The following CABP7 variants were observed in gnomAD, a reference collection of about 807,000 sequenced individuals.
CABP7 encodes calcium-binding protein 7.
CABP7 carries 13 observed loss-of-function variants against 23.1 expected under a neutral mutation model. That is an observed-to-expected ratio of 0.56 (90% CI 0.37 to 0.90). The LOEUF (loss-of-function observed/expected upper bound fraction) is 0.90. CABP7 is among the 40% of genes least tolerant of loss of function. The pLI is 0.01. For missense variants in CABP7, 248 were observed against 295.6 expected, an observed-to-expected ratio of 0.84 and a Z score of 1.18; for synonymous variants, 123 against 115.3, an observed-to-expected ratio of 1.07 and a Z score of -0.43.
chr22:29,720,449 GC>G lies in CABP7; in HGVS notation c.26del (p.Ala9GlyfsTer2), dbSNP rs2067751653. On this transcript the variant is annotated frameshift_variant, in exon 1 of 5. Coordinates refer to ENST00000216144, the MANE Select transcript of CABP7 (RefSeq NM_182527.3). LOFTEE classifies it high-confidence loss of function. This position sits in a 1 kb window ranked among gnomAD's most constrained non-coding sequence, Gnocchi z 5.2. Reference sequence around the variant, plus strand: ...GATGCCGTTCCACCCGGTGACGGCGGCGTTGATGTACCGGGGCATCTACACC... The same window carrying G: ...GATGCCGTTCCACCCGGTGACGGCGGGTTGATGTACCGGGGCATCTACACC... MPFHPVTA[A>X]LMYRGIYTVP... 1 of 1,553,744 alleles carries G rather than the reference GC, an allele frequency of 6.4e-7. No individual in the cohort carries two copies. The highest frequency in any genetic ancestry group is 8.7e-7 in the Non-Finnish European group (1 of 1,152,510).
Position 29,729,502 on chromosome 22 carries a change from C to CCATCGCCTTCAT in CABP7, c.586_597dup (p.Ala196_Ile199dup). 1 of 1,612,666 alleles carries CCATCGCCTTCAT rather than the reference C, an allele frequency of 6.2e-7. No homozygotes were observed. The highest frequency in any genetic ancestry group is 8.5e-7 in the Non-Finnish European group (1 of 1,179,994). On this transcript the variant is annotated inframe_insertion, in exon 5 of 5. Transcript: ENST00000216144. Reference sequence around the variant, plus strand: ...CGCAAGAGTCTCATCTGCGCCTTCGCCATCGCCTTCATCATCAGTGTCATG... The same window carrying CCATCGCCTTCAT: ...CGCAAGAGTCTCATCTGCGCCTTCGCCATCGCCTTCATCATCGCCTTCATCATCAGTGTCATG...
At chr22:29,725,085 C>T (rs2067785855) in intron 1 of CABP7, among the ~76,000 whole-genome samples, 1 of 152,120 alleles carries the variant, frequency 6.6e-6, no homozygotes, top group South Asian at 2.1e-4. Flanking sequence ...CAGGACCCTG[C>T]AGAGGAGGAA....
In CABP7 at chr22:29,731,172, A is replaced by G; in HGVS notation, c.*1603A>G. On this transcript the variant is annotated 3_prime_UTR_variant, in exon 5 of 5. Transcript: ENST00000216144. ...TAGCAGGAACCGGGCTTGGCTTCCTATTGTGACTGATGAGAAAAGTGACCA... is the reference window on the plus strand; with the variant it reads ...TAGCAGGAACCGGGCTTGGCTTCCTGTTGTGACTGATGAGAAAAGTGACCA... The G allele has an allele frequency of 2.8e-6, 4 of 1,449,106 alleles. No homozygotes were observed. The highest frequency in any genetic ancestry group is 2.7e-5 in the East Asian group (1 of 36,440). 89.8% of individuals were successfully genotyped at this position (1,449,106 alleles called of 1,614,324 possible).
rs1468265241 is a variant in CABP7 at position 29,727,739 on chromosome 22, C to T, written c.187C>T (p.Arg63Cys). The part of the protein sequence containing the change: ...ISKQELGTAM[R>C]SLGYMPNEVE... ...CAAGCAGGAGCTGGGCACAGCCATG[C>T]GCTCACTGGGTTACATGCCCAACGA... The change falls in exon 2 of 5, where the codon CGC (arginine) becomes TGC (cysteine). Residue 63 changes from arginine (R) to cysteine (C), a missense_variant. Transcript: ENST00000216144. The surrounding 1 kb of genome is among the most constrained non-coding windows in gnomAD (Gnocchi z 4.2). 6.2e-6 allele frequency: 10 copies of T among 1,613,454 alleles called. No homozygotes were observed. The highest frequency in any genetic ancestry group is 2.7e-5 in the African/African-American group (2 of 74,916).
chr22:29,727,555 G>A lies in CABP7; in HGVS notation c.110-107G>A, dbSNP rs1345753332. 5 of 1,406,234 alleles carry A rather than the reference G, an allele frequency of 3.6e-6. No homozygotes were observed. Among genetic ancestry groups the A allele is most frequent in the East Asian group, 2.3e-5 (1 of 43,316 alleles). 87.1% of individuals were successfully genotyped at this position (1,406,234 alleles called of 1,614,324 possible). On this transcript the variant is annotated intron_variant, in intron 1 of 4. Coordinates refer to ENST00000216144, the MANE Select transcript of CABP7 (RefSeq NM_182527.3). The surrounding 1 kb of genome is among the most constrained non-coding windows in gnomAD (Gnocchi z 4.2). The stretch of plus-strand genomic sequence containing the variant: ...ACCAGATCTGCAGGCTCTGGGTTGG[G>A]CTCTCAAGGCCATGCTCAGGCTGCA...
Position 29,720,351 on chromosome 22 carries a change from C to T in CABP7, c.-74C>T. 3.5e-6 allele frequency: 3 copies of T among 866,892 alleles called. No homozygotes were observed. Among genetic ancestry groups the T allele is most frequent in the Non-Finnish European group, 4.5e-6 (3 of 661,598 alleles). 53.7% of individuals were successfully genotyped at this position (866,892 alleles called of 1,614,324 possible). ...CGCGCGCCCCGCCCGCTCCAGCCGC[C>T]CCCGGGGCCGCCACCGGCCCATGAG... On this transcript the variant is annotated 5_prime_UTR_variant, in exon 1 of 5. Transcript: ENST00000216144. This position sits in a 1 kb window ranked among gnomAD's most constrained non-coding sequence, Gnocchi z 5.2.
intron 1 of CABP7, among the ~76,000 whole-genome samples, chr22:29,723,140 G>A (rs936839853): frequency 6.6e-6 from 1 of 152,222 alleles, no homozygotes; most frequent in Non-Finnish European, 1.5e-5. Context: ...GCCCTGCGGG[G>A]GTAAGAGGCT....
In CABP7 at chr22:29,730,970, T is replaced by G; in HGVS notation, c.*1401T>G. ...AGCCAGACCACTGTGGTGACAGACT[T>G]TCTTTATAAACATTTGGAAGTTTTC... On this transcript the variant is annotated 3_prime_UTR_variant, in exon 5 of 5. Transcript: ENST00000216144. The G allele has an allele frequency of 9.1e-6, 3 of 330,614 alleles. No individual in the cohort carries two copies. The highest frequency in any genetic ancestry group is 9.8e-5 in the South Asian group (1 of 10,214). The allele number at this position is 330,614 out of a possible 1,614,324, so 20.5% of individuals were successfully genotyped here. A position where few individuals can be genotyped will look rare whatever the true frequency, so the allele number is the denominator to read the frequency against.
chr22:29,720,719 G>T lies in CABP7; in HGVS notation c.109+186G>T, dbSNP rs1017089070. Among the ~76,000 whole-genome samples, 7 of 151,512 alleles carry T rather than the reference G, an allele frequency of 4.6e-5. No individual in the cohort carries two copies. Among genetic ancestry groups the T allele is most frequent in the East Asian group, 1.9e-4 (1 of 5,134 alleles). On this transcript the variant is annotated intron_variant, in intron 1 of 4. Transcript: ENST00000216144. The surrounding 1 kb of genome is among the most constrained non-coding windows in gnomAD (Gnocchi z 5.2). ...TCCGCACCCCGGGGCGCCGCGGTGG[G>T]GGTCGCTCAGGCGGAGAGCGGCCCA...
rs767434955 is a variant in CABP7, at chr22:29,729,473, C to A, written c.552C>A (p.Cys184Ter). The change falls in exon 5 of 5, where the codon TGC (cysteine) becomes TGA (stop). Residue 184 changes from cysteine (C) to a stop codon, truncating the protein, a stop_gained. Transcript: ENST00000216144. LOFTEE classifies it high-confidence loss of function. ...TCSNQQIRQTCVRKSLICAFA... is the reference protein window; with the variant it reads ...TCSNQQIRQT ...CCAACCAGCAGATCCGCCAGACTTG[C>A]GTGCGCAAGAGTCTCATCTGCGCCT... The A allele has an allele frequency of 1.2e-6, 2 of 1,611,538 alleles. No homozygotes were observed. Among genetic ancestry groups the A allele is most frequent in the Non-Finnish European group, 1.7e-6 (2 of 1,179,984 alleles).
chr22:29,721,060 G>T (rs1021708158), intron 1 of CABP7, among the ~76,000 whole-genome samples: 12 of 152,162 alleles, frequency 7.9e-5, no homozygotes, highest in Middle Eastern at 3.2e-3. Context: ...CCCCACCTGC[G>T]GCCGTAGCCC....
chr22:29,720,505 G>T lies in CABP7; in HGVS notation c.81G>T (p.Pro27=). The change falls in exon 1 of 5, where the codon CCG becomes CCT. Residue 27 remains proline (P), a synonymous_variant. Coordinates refer to ENST00000216144, the MANE Select transcript of CABP7 (RefSeq NM_182527.3). This position sits in a 1 kb window ranked among gnomAD's most constrained non-coding sequence, Gnocchi z 5.2. ...CCAACCTGCTGTCGGAGCAGCGCCC[G>T]GTGGACATCCCGGAGGACGAGCTGG... The part of the protein sequence containing the change: ...TVPNLLSEQR[P]VDIPEDELEE... 5.1e-6 allele frequency: 8 copies of T among 1,556,510 alleles called. No homozygotes were observed. Among genetic ancestry groups the T allele is most frequent in the Non-Finnish European group, 6.9e-6 (8 of 1,152,544 alleles).
At position 29,731,463 on chromosome 22, in the gene CABP7, C is replaced by A; in HGVS notation, c.*1894C>A. On this transcript the variant is annotated 3_prime_UTR_variant, in exon 5 of 5. Transcript: ENST00000216144. ...CCTGGCTGTGGGGAGGGTCAGCTGC[C>A]TGCATGACTTTTCTGGAAGGCAGAG... 1 of 1,424,760 alleles carries A rather than the reference C, an allele frequency of 7.0e-7. No individual in the cohort carries two copies. The highest frequency in any genetic ancestry group is 3.4e-5 in the Admixed American group (1 of 29,448). The allele number at this position is 1,424,760 out of a possible 1,614,324, so 88.3% of individuals were successfully genotyped here.
chr22:29,728,767 AGGGCTGT>A, intron 3 of CABP7, 25 bp downstream of exon 3: 1 of 1,512,728 alleles, frequency 6.6e-7, no homozygotes, highest in Non-Finnish European at 9.2e-7. Context: ...GTTGGGACCC[AGGGCTGT>A]GCACACTGTG....
chr22:29,727,286 A>C lies in CABP7; in HGVS notation c.110-376A>C. 2.8e-5 allele frequency among the ~76,000 whole-genome samples: 1 copy of C among 35,876 alleles called. No homozygotes were observed. The highest frequency in any genetic ancestry group is 6.2e-4 in the East Asian group (1 of 1,612). 23.5% of individuals were successfully genotyped at this position (35,876 alleles called of 152,430 possible). ...GGTGGGGGAGAGGGGGATGAAAGGA[A>C]TGGGGGCGGGTGGGGAAGCCGTCAG... On this transcript the variant is annotated intron_variant, in intron 1 of 4. Transcript: ENST00000216144. The surrounding 1 kb of genome is among the most constrained non-coding windows in gnomAD (Gnocchi z 4.2).
rs2067843979 is a variant in CABP7 at position 29,731,493 on chromosome 22, G to A, written c.*1924G>A. ...TGACTTTTCTGGAAGGCAGAGCCTC[G>A]AAAATAGGCAGACCGTTTGAGCCAG... On this transcript the variant is annotated 3_prime_UTR_variant, in exon 5 of 5. Transcript: ENST00000216144. 5.9e-6 allele frequency: 7 copies of A among 1,182,196 alleles called. No individual in the cohort carries two copies. The South Asian group carries it at 6.7e-5, about 11-fold the overall frequency. The allele number at this position is 1,182,196 out of a possible 1,614,324, so 73.2% of individuals were successfully genotyped here. A position where few individuals can be genotyped will look rare whatever the true frequency, so the allele number is the denominator to read the frequency against.
chr22:29,729,667 G>GC lies in CABP7; in HGVS notation c.*100dup. The GC allele has an allele frequency of 6.8e-7, 1 of 1,477,966 alleles. No homozygotes were observed. The highest frequency in any genetic ancestry group is 9.2e-7 in the Non-Finnish European group (1 of 1,090,786). 91.6% of individuals were successfully genotyped at this position (1,477,966 alleles called of 1,614,324 possible). ...TCTCCCTTGGCCGGCTCCCTGGGCC[G>GC]CCATCTGCGTGTACTTCAGGGCCTG... On this transcript the variant is annotated 3_prime_UTR_variant, in exon 5 of 5. Coordinates refer to ENST00000216144, the MANE Select transcript of CABP7 (RefSeq NM_182527.3).
At position 29,729,925 on chromosome 22, in the gene CABP7, G is replaced by A. The variant is rs979926213; in HGVS notation, c.*356G>A. The A allele has an allele frequency of 5.1e-5, 13 of 257,412 alleles. No individual in the cohort carries two copies. In the East Asian group the frequency reaches 9.8e-4, roughly 19 times the overall value. The allele number at this position is 257,412 out of a possible 1,614,324, so 15.9% of individuals were successfully genotyped here. ...CTGCTGTGGTCCCTTGGGCAGGAGCGGGCACCCTGTGCCTTGAGACAGCAG... is the reference window on the plus strand; with the variant it reads ...CTGCTGTGGTCCCTTGGGCAGGAGCAGGCACCCTGTGCCTTGAGACAGCAG... On this transcript the variant is annotated 3_prime_UTR_variant, in exon 5 of 5. Transcript: ENST00000216144.
At chr22:29,722,691 C>T (rs1214330769) in intron 1 of CABP7, among the ~76,000 whole-genome samples, 2 of 152,276 alleles carry the variant, frequency 1.3e-5, no homozygotes, top group South Asian at 2.1e-4. Context: ...GCACGGATCC[C>T]CCTCTGCCCT....
Sources: gnomAD v4.1 joint callset for allele counts (sites outside exome capture counted in the v4.1 genomes callset) on GRCh38, gnomAD v4.1.1 for gene constraint, Gnocchi (gnomAD v3.1) non-coding constraint, MANE v1.5 for transcripts, NCBI Gene and HGNC (gene_info 2026-07-23, HGNC 2026-07-21) for gene names.